EXOC6B: variants seen among roughly 807,000 people sequenced by gnomAD.
EXOC6B encodes SEC15 homolog B.
EXOC6B carries 54 observed loss-of-function variants against 113.5 expected under a neutral mutation model. The ratio of observed to expected loss-of-function variants is 0.48; its 90% CI spans 0.38 to 0.60. The LOEUF is 0.60. Ranked by LOEUF, EXOC6B falls within the 20% of genes least tolerant of loss-of-function variation. EXOC6B has a pLI of 0.00. For synonymous variants in EXOC6B, 357 were observed against 339.0 expected (o/e 1.05, Z -0.58); for missense variants, 797 against 977.5 (o/e 0.82, Z 2.46).
rs528132576 is a variant in EXOC6B, at chr2:72,298,981, G to A, written c.2196+35966C>T. On this transcript the variant is annotated intron_variant, in intron 20 of 21. Transcript: ENST00000272427. ...TGTGTCTTGGGGTTGCTCTTCTCCA[G>A]GAGTATCTTTGTGGTGTTCTCTGTA... 5.3e-5 allele frequency among the ~76,000 whole-genome samples: 8 copies of A among 152,176 alleles called. No homozygotes were observed. The South Asian group carries it at 1.7e-3, about 32-fold the overall frequency.
intron 20 of EXOC6B, among the ~76,000 whole-genome samples, chr2:72,234,816 A>G (rs1298719101): frequency 2.0e-5 from 3 of 152,224 alleles, no homozygotes; most frequent in Non-Finnish European, 4.4e-5. Flanking sequence ...TAAAATCATT[A>G]GAGAAATGCA....
At position 72,731,212 on chromosome 2, in the gene EXOC6B, G is replaced by A. The variant is rs771175482; in HGVS notation, c.361C>T (p.Arg121Ter). 5.6e-6 allele frequency: 9 copies of A among 1,613,078 alleles called. No homozygotes were observed. Among genetic ancestry groups the A allele is most frequent in the Non-Finnish European group, 7.6e-6 (9 of 1,179,614 alleles). ...GCAGAAATATTTCTCTGTTGTAGTC[G>A]ACACTGCTTCAGCTCTTCCATTGCT... is the stretch of plus-strand genomic sequence containing the variant. Reference protein sequence around the residue: ...VIAMEELKQCRLQQRNISATV... With the variant: ...VIAMEELKQC Residue 121 changes from arginine to a stop codon, truncating the protein, a stop_gained, in exon 4 of 22, where the codon CGA becomes TGA. Transcript: ENST00000272427. LOFTEE classifies it high-confidence loss of function.
intron 6 of EXOC6B, among the ~76,000 whole-genome samples, chr2:72,633,875 T>C (rs768255664): frequency 1.3e-5 from 2 of 152,218 alleles, no homozygotes; most frequent in African/African-American, 4.8e-5. Context: ...TATTGCAATA[T>C]GTACTATGAA....
rs73943348 is a variant in EXOC6B, at chr2:72,345,821, G to C, written c.2123-10801C>G. On this transcript the variant is annotated intron_variant, in intron 19 of 21. Transcript: ENST00000272427. ...CACGAAGAGTGAACCCTAATGTAAA[G>C]TATAGACTTTGGGTAATAAGGATGT... Among the ~76,000 whole-genome samples the C allele has an allele frequency of 1.9e-3, 293 of 152,272 alleles. 1 individual carries two copies. Among genetic ancestry groups the C allele is most frequent in the African/African-American group, 6.2e-3 (258 of 41,562 alleles).
chr2:72,381,963 C>T (rs775468486), intron 18 of EXOC6B, among the ~76,000 whole-genome samples: 1 of 152,024 alleles, frequency 6.6e-6, no homozygotes, highest in Non-Finnish European at 1.5e-5. Flanking sequence ...TAATGATGAC[C>T]TATTTCAGTA....
At chr2:72,736,072 A>G (rs1286649654) in intron 2 of EXOC6B, among the ~76,000 whole-genome samples, 1 of 151,948 alleles carries the variant, frequency 6.6e-6, no homozygotes, top group Non-Finnish European at 1.5e-5. Context: ...AGTCCCAGCT[A>G]CTTAGAAGGC....
intron 18 of EXOC6B, among the ~76,000 whole-genome samples, chr2:72,427,289 C>T (rs997527330): frequency 6.6e-6 from 1 of 152,170 alleles, no homozygotes; most frequent in Non-Finnish European, 1.5e-5. Context: ...AAGATGTGGC[C>T]AGGGCTGCCA....
intron 18 of EXOC6B, among the ~76,000 whole-genome samples, chr2:72,433,009 C>T (rs182770272): frequency 3.9e-5 from 6 of 152,176 alleles, no homozygotes; most frequent in Admixed American, 2.6e-4. Context: ...AATGGTACTG[C>T]CTAGGTTTTC....
chr2:72,203,497 T>G (rs927444167), intron 20 of EXOC6B, among the ~76,000 whole-genome samples: 1 of 152,176 alleles, frequency 6.6e-6, no homozygotes, highest in Admixed American at 6.5e-5. Flanking sequence ...CAAAGGGAAT[T>G]TCACAGCTAA....
chr2:72,731,301 C>G, intron 3 of EXOC6B, 56 bp from the exon 4 acceptor site: 1 of 1,366,500 alleles, frequency 7.3e-7, no homozygotes, highest in Non-Finnish European at 1.0e-6. Flanking sequence ...AAAAAGCTTT[C>G]AGTCACATTT....
intron 6 of EXOC6B, among the ~76,000 whole-genome samples, chr2:72,707,424 T>C (rs1294254193): frequency 2.0e-5 from 3 of 151,750 alleles, no homozygotes; most frequent in Non-Finnish European, 4.4e-5. Context: ...CTTTTCTTTT[T>C]TTTTTTTGAG....
intron 17 of EXOC6B, among the ~76,000 whole-genome samples, chr2:72,472,926 T>C (rs1651971520): frequency 6.6e-6 from 1 of 152,208 alleles, no homozygotes; most frequent in Non-Finnish European, 1.5e-5. Context: ...ATTAATTTCT[T>C]CATTGAACCA....
At chr2:72,190,943 T>C (rs766919494) in intron 20 of EXOC6B, among the ~76,000 whole-genome samples, 4 of 152,210 alleles carry the variant, frequency 2.6e-5, no homozygotes, top group Non-Finnish European at 4.4e-5. Context: ...TTCTGATAAA[T>C]GTTAAGGCTA....
At chr2:72,322,787 A>G (rs1687909572) in intron 20 of EXOC6B, among the ~76,000 whole-genome samples, 1 of 152,230 alleles carries the variant, frequency 6.6e-6, no homozygotes, top group African/African-American at 2.4e-5. Flanking sequence ...GGCTAGCAAT[A>G]TGCAGAAAAC....
rs150977368 is a variant in EXOC6B at position 72,648,291 on chromosome 2, A to T, written c.669+69812T>A. Among the ~76,000 whole-genome samples the T allele has an allele frequency of 7.7e-3, 1,179 of 152,334 alleles. 10 individuals carry two copies. The highest frequency in any genetic ancestry group is 0.014 in the Middle Eastern group (4 of 294). On this transcript the variant is annotated intron_variant, in intron 6 of 21. Transcript: ENST00000272427. ...AAAGTCAGGAAACAACAGATGCTAG[A>T]GAGGATGTGGATAAATAGGAACGCT...
At chr2:72,262,366 C>T (rs1683783647) in intron 20 of EXOC6B, among the ~76,000 whole-genome samples, 1 of 151,800 alleles carries the variant, frequency 6.6e-6, no homozygotes, top group African/African-American at 2.4e-5. Context: ...AATACTATAG[C>T]CCAGACAGGT....
chr2:72,495,468 G>A lies in EXOC6B; in HGVS notation c.1515C>T (p.Ile505=), dbSNP rs748047858. ...CTTCTGAAAACTTCAGACAAGCGTA[G>A]ATAAATTCTTTAATTTGGTTGTAAA... The part of the protein sequence containing the change: ...PKVYNQIKEF[I]YACLKFSEDL... Residue 505 remains isoleucine (I), a synonymous_variant, in exon 15 of 22, where the codon ATC becomes ATT. Transcript: ENST00000272427. The A allele has an allele frequency of 3.7e-6, 6 of 1,606,700 alleles. No individual in the cohort carries two copies. The highest frequency in any genetic ancestry group is 5.1e-6 in the Non-Finnish European group (6 of 1,175,772).
chr2:72,456,523 T>C (rs190610539), intron 18 of EXOC6B, among the ~76,000 whole-genome samples: 42 of 152,252 alleles, frequency 2.8e-4, no homozygotes, highest in African/African-American at 7.7e-4. Flanking sequence ...AAGTCCATAG[T>C]TGGCAATCAA....
intron 5 of EXOC6B, among the ~76,000 whole-genome samples, chr2:72,727,352 G>T (rs2104759025): frequency 6.6e-6 from 1 of 152,160 alleles, no homozygotes; most frequent in East Asian, 1.9e-4. Flanking sequence ...TTTAAAGAAA[G>T]CAAGATCATT....
Sources: gnomAD v4.1 joint callset for allele counts (sites outside exome capture counted in the v4.1 genomes callset) on GRCh38, gnomAD v4.1.1 for gene constraint, MANE v1.5 for transcripts, NCBI Gene and HGNC (gene_info 2026-07-23, HGNC 2026-07-21) for gene names.